The following ZNF766 variants were observed in gnomAD, a reference collection of about 807,000 sequenced individuals.
ZNF766 encodes zinc finger protein 766.
A neutral mutation model predicts 13.2 loss-of-function variants in ZNF766; 13 were observed. The ratio of observed to expected loss-of-function variants is 0.98; its 90% CI spans 0.64 to 1.56. The LOEUF (loss-of-function observed/expected upper bound fraction) is 1.56, where lower values mean the gene tolerates loss of function less well. Ranked by LOEUF, ZNF766 falls within the 40% of genes most tolerant of loss-of-function variation. The pLI is 0.00. For synonymous variants in ZNF766, 178 were observed against 187.6 expected, an observed-to-expected ratio of 0.95 and a Z score of 0.42; for missense variants, 521 against 552.2, an observed-to-expected ratio of 0.94 and a Z score of 0.57.
chr19:52,270,428 A>C (rs1980926857), intron 1 of ZNF766, among the ~76,000 whole-genome samples: 1 of 152,144 alleles, frequency 6.6e-6, no homozygotes, highest in Admixed American at 6.6e-5. Flanking sequence ...TGTAGAGAAA[A>C]GTTCTATTTC....
chr19:52,277,541 G>C (rs1279548639), intron 1 of ZNF766: 5 of 1,571,590 alleles, frequency 3.2e-6, no homozygotes, highest in Non-Finnish European at 4.3e-6. Context: ...CACTTACTCA[G>C]GTAAAGTGAT....
intron 3 of ZNF766, 140 bp downstream of exon 3, chr19:52,283,553 T>G (rs542020620): frequency 1.6e-5 from 19 of 1,152,662 alleles, no homozygotes; most frequent in African/African-American, 1.6e-5. Flanking sequence ...TCCTCCTGCT[T>G]TGGCCTCCCA....
At chr19:52,288,053 T>C (rs28584863) in intron 3 of ZNF766, 19,649 of 414,196 alleles carry the variant, frequency 0.047, 1,439 homozygotes, top group African/African-American at 0.23. Flanking sequence ...TGGAGTCCTG[T>C]TCTGTCGCCC....
chr19:52,282,286 G>T, intron 2 of ZNF766, 49 bp downstream of exon 2: 1 of 1,533,478 alleles, frequency 6.5e-7, no homozygotes. Flanking sequence ...TAGTATCTCT[G>T]CATTTTCCCT....
chr19:52,280,875 T>G (rs1169661546), intron 1 of ZNF766, among the ~76,000 whole-genome samples: 1 of 147,560 alleles, frequency 6.8e-6, no homozygotes, highest in African/African-American at 2.5e-5. Context: ...CCAACACTTT[T>G]GGCCGTGCGT....
At chr19:52,289,757 T>G (rs565608228) in intron 3 of ZNF766, among the ~76,000 whole-genome samples, 1 of 151,994 alleles carries the variant, frequency 6.6e-6, no homozygotes, top group Non-Finnish European at 1.5e-5. Flanking sequence ...TCCCAGCACT[T>G]TGGGAGGCCA....
intron 3 of ZNF766, among the ~76,000 whole-genome samples, chr19:52,288,905 G>A (rs936657096): frequency 2.0e-5 from 3 of 152,040 alleles, no homozygotes; most frequent in Admixed American, 1.3e-4. Context: ...GAGTGCAGTG[G>A]CACGATCTCG....
Position 52,273,763 on chromosome 19 carries a change from C to T in ZNF766, c.18+4132C>T, listed in dbSNP as rs537606384. On this transcript the variant is annotated intron_variant, in intron 1 of 3. Transcript: ENST00000439461. ...CTTTCTGCTCTTTTGCTGTCCACTA[C>T]GTAAATCCTGGTAACAAGACCCAAG... Among the ~76,000 whole-genome samples the T allele has an allele frequency of 6.6e-5, 10 of 152,346 alleles. No individual in the cohort carries two copies. The South Asian group carries it at 1.4e-3, about 22-fold the overall frequency.
At chr19:52,273,229 C>T (rs760978368) in intron 1 of ZNF766, among the ~76,000 whole-genome samples, 1 of 152,124 alleles carries the variant, frequency 6.6e-6, no homozygotes, top group Non-Finnish European at 1.5e-5. Flanking sequence ...AGGATGGTCT[C>T]GATCTCTTGA....
Position 52,279,763 on chromosome 19 carries a change from GT to G in ZNF766, c.19-2338del, listed in dbSNP as rs1329178045. 9.7e-3 allele frequency among the ~76,000 whole-genome samples: 570 copies of G among 58,688 alleles called. 3 individuals carry two copies. Among genetic ancestry groups the G allele is most frequent in the African/African-American group, 0.035 (525 of 14,800 alleles). 38.5% of individuals were successfully genotyped at this position (58,688 alleles called of 152,430 possible). A position where few individuals can be genotyped will look rare whatever the true frequency, so the allele number is the denominator to read the frequency against. On this transcript the variant is annotated intron_variant, in intron 1 of 3. Transcript: ENST00000439461. ...TTGTGACTGGAGTTCAAGTTTCTATGTTTTTTTTTTCATGATTTACCTTTTC... is the reference window on the plus strand; with the variant it reads ...TTGTGACTGGAGTTCAAGTTTCTATGTTTTTTTTTCATGATTTACCTTTTC...
chr19:52,274,095 C>T (rs2560871), intron 1 of ZNF766, among the ~76,000 whole-genome samples: 50,933 of 151,758 alleles, frequency 0.34, 9,613 homozygotes, highest in African/African-American at 0.5. Flanking sequence ...TCCTTCTGAG[C>T]AGGATGATAC....
intron 3 of ZNF766, among the ~76,000 whole-genome samples, chr19:52,286,318 C>CTT (rs1312004211): frequency 2.8e-5 from 4 of 141,242 alleles, no homozygotes; most frequent in East Asian, 2.1e-4. Flanking sequence ...GAGTGTTTTT[C>CTT]TTTCTTTTTT....
At chr19:52,272,978 C>T (rs1279783740) in intron 1 of ZNF766, among the ~76,000 whole-genome samples, 1 of 151,988 alleles carries the variant, frequency 6.6e-6, no homozygotes, top group Non-Finnish European at 1.5e-5. Context: ...GTCATATGTT[C>T]AAAATATGTA....
chr19:52,289,905 G>A (rs1298153843), intron 3 of ZNF766, among the ~76,000 whole-genome samples, 161 bp from the exon 4 acceptor site: 2 of 152,188 alleles, frequency 1.3e-5, no homozygotes, highest in Non-Finnish European at 2.9e-5. Context: ...GGAGGCTGAG[G>A]CAGGAGAATG....
intron 1 of ZNF766, among the ~76,000 whole-genome samples, chr19:52,274,282 A>G (rs1215937332): frequency 6.6e-6 from 1 of 152,182 alleles, no homozygotes; most frequent in Non-Finnish European, 1.5e-5. Context: ...ATACAGTCAC[A>G]TGCCACATAA....
chr19:52,288,734 C>T (rs1981958215), intron 3 of ZNF766, among the ~76,000 whole-genome samples: 1 of 150,812 alleles, frequency 6.6e-6, no homozygotes, highest in Admixed American at 6.6e-5. Context: ...TTACAATATC[C>T]CTTCCAGCAC....
rs548541055 is a variant in ZNF766, at chr19:52,292,371, G to A, written c.*1173G>A. 17 of 575,934 alleles carry A rather than the reference G, an allele frequency of 3.0e-5. No homozygotes were observed. In the South Asian group the frequency reaches 3.7e-4, roughly 13 times the overall value. 35.7% of individuals were successfully genotyped at this position (575,934 alleles called of 1,614,324 possible). On this transcript the variant is annotated 3_prime_UTR_variant, in exon 4 of 4. Transcript: ENST00000439461. ...ACACACTTTTCCTGACAGGCACAGTGCTGCTGTGCTCTACAAATGACCATG... is the reference window on the plus strand; with the variant it reads ...ACACACTTTTCCTGACAGGCACAGTACTGCTGTGCTCTACAAATGACCATG...
chr19:52,281,509 ACT>A (rs1981519382), intron 1 of ZNF766: 4 of 286,944 alleles, frequency 1.4e-5, no homozygotes, highest in South Asian at 1.1e-4. Flanking sequence ...ACAGACTGAG[ACT>A]CTGTCAATAA....
chr19:52,279,789 C>T (rs981045393), intron 1 of ZNF766, among the ~76,000 whole-genome samples: 81 of 64,820 alleles, frequency 1.2e-3, no homozygotes, highest in African/African-American at 2.4e-3. Context: ...TTTACCTTTT[C>T]TTTTTTTTTT....
Sources: gnomAD v4.1 joint callset for allele counts (sites outside exome capture counted in the v4.1 genomes callset) on GRCh38, gnomAD v4.1.1 for gene constraint, MANE v1.5 for transcripts, NCBI Gene and HGNC (gene_info 2026-07-23, HGNC 2026-07-21) for gene names.